HHLA2: variants seen among roughly 807,000 people sequenced by gnomAD.
The protein encoded by HHLA2 is HERV-H LTR-associating protein 2.
Under a neutral mutation model 45.9 loss-of-function variants are expected in HHLA2, and 48 were observed. The ratio of observed to expected loss-of-function variants is 1.05; its 90% CI spans 0.83 to 1.33. HHLA2 has a LOEUF of 1.33. Ranked by LOEUF, HHLA2 falls within the 40% of genes most tolerant of loss-of-function variation. The pLI, the probability that HHLA2 is intolerant of heterozygous loss-of-function variation, is 0.00. For synonymous variants in HHLA2, 161 were observed against 173.9 expected, an observed-to-expected ratio of 0.93 and a Z score of 0.59; for missense variants, 462 against 494.3, an observed-to-expected ratio of 0.93 and a Z score of 0.62.
At chr3:108,375,718 T>C in intron 8 of HHLA2, 32 bp from the exon 8 acceptor site, 1 of 1,604,570 alleles carries the variant, frequency 6.2e-7, no homozygotes, top group Non-Finnish European at 8.5e-7. Context: ...AGTAAATACC[T>C]AATTTCACTC....
At chr3:108,313,381 C>T (rs763707569) in intron 2 of HHLA2, among the ~76,000 whole-genome samples, 18 of 152,084 alleles carry the variant, frequency 1.2e-4, no homozygotes, top group African/African-American at 2.2e-4. Context: ...TGCTTAATCC[C>T]GGGGGATTTT....
At chr3:108,337,421 C>T (rs529475918) in intron 3 of HHLA2, among the ~76,000 whole-genome samples, 73 of 152,212 alleles carry the variant, frequency 4.8e-4, no homozygotes, top group African/African-American at 1.5e-3. Context: ...ACTTTGGTCG[C>T]TTGCCACTGT....
At chr3:108,353,264 C>T (rs909249342) in intron 4 of HHLA2, among the ~76,000 whole-genome samples, 163 bp from the exon 4 acceptor site, 4 of 152,192 alleles carry the variant, frequency 2.6e-5, no homozygotes, top group Non-Finnish European at 5.9e-5. Context: ...AAACACAGAG[C>T]TTCACAGGTT....
chr3:108,347,203 T>C (rs991209696), intron 3 of HHLA2, among the ~76,000 whole-genome samples: 1 of 152,228 alleles, frequency 6.6e-6, no homozygotes, highest in African/African-American at 2.4e-5. Context: ...CTGCCTCACT[T>C]AGCTGAATGC....
intron 1 of HHLA2, among the ~76,000 whole-genome samples, chr3:108,301,072 A>T (rs1030424995): frequency 6.6e-6 from 1 of 152,100 alleles, no homozygotes; most frequent in South Asian, 2.1e-4. Flanking sequence ...TATCTCTTCT[A>T]ATTTATGTCT....
In HHLA2 at chr3:108,377,165, C is replaced by A. The variant is rs146238562; in HGVS notation, c.1225-93C>A. 7.8e-4 allele frequency: 659 copies of A among 846,936 alleles called. 5 individuals carry two copies. The African/African-American group carries it at 1.0e-2, about 13-fold the overall frequency. The allele number at this position is 846,936 out of a possible 1,614,324, so 52.5% of individuals were successfully genotyped here. A position where few individuals can be genotyped will look rare whatever the true frequency, so the allele number is the denominator to read the frequency against. On this transcript the variant is annotated intron_variant, in intron 10 of 10. Coordinates refer to ENST00000619531, the Ensembl canonical transcript of HHLA2. ...ATAGACTAAAGCTTTTTGCCGCCCA[C>A]CCCAAAACACTACTATCAATAAATA...
intron 1 of HHLA2, among the ~76,000 whole-genome samples, chr3:108,304,537 C>T (rs184143464): frequency 5.8e-4 from 89 of 152,262 alleles, no homozygotes; most frequent in Non-Finnish European, 1.0e-3. Context: ...TCAGTCTTCA[C>T]CTTAATTACA....
intron 2 of HHLA2, among the ~76,000 whole-genome samples, chr3:108,325,247 A>G (rs1046808642): frequency 1.3e-5 from 2 of 152,234 alleles, no homozygotes; most frequent in African/African-American, 4.8e-5. Context: ...AAAAAAAACT[A>G]TGTTAAAACC....
At chr3:108,352,394 A>C (rs2081795511) in intron 4 of HHLA2, among the ~76,000 whole-genome samples, 1 of 152,156 alleles carries the variant, frequency 6.6e-6, no homozygotes, top group Admixed American at 6.5e-5. Context: ...GAGGCGGGAC[A>C]TGGTAGGGTA....
chr3:108,298,405 T>C (rs2080797477), intron 1 of HHLA2, among the ~76,000 whole-genome samples: 1 of 152,238 alleles, frequency 6.6e-6, no homozygotes, highest in South Asian at 2.1e-4. Flanking sequence ...TTATAACATG[T>C]ACACACCTTT....
intron 3 of HHLA2, among the ~76,000 whole-genome samples, chr3:108,335,806 G>A (rs982187488): frequency 2.6e-5 from 4 of 152,122 alleles, no homozygotes; most frequent in African/African-American, 4.8e-5. Context: ...AGCCACAAAA[G>A]TAGTGATAGG....
rs184695130 is a variant in HHLA2, at chr3:108,358,702, C to G, written c.1003+541C>G. On this transcript the variant is annotated intron_variant, in intron 7 of 10. Transcript: ENST00000619531. ...TCTAAAATATTTCTAGTCAACTAAC[C>G]ATCAAGTCATGGAATATATACTCAT... Among the ~76,000 whole-genome samples, 397 of 152,222 alleles carry G rather than the reference C, an allele frequency of 2.6e-3. 1 individual carries two copies. Among genetic ancestry groups the G allele is most frequent in the Non-Finnish European group, 4.0e-3 (271 of 68,018 alleles).
intron 8 of HHLA2, among the ~76,000 whole-genome samples, chr3:108,372,504 C>CA (rs1403881255): frequency 4.9e-5 from 2 of 40,634 alleles, no homozygotes; most frequent in African/African-American, 1.0e-4. Context: ...AATAGAGACA[C>CA]AAAAAACCCT....
intron 8 of HHLA2, among the ~76,000 whole-genome samples, chr3:108,365,955 C>T (rs1382239013): frequency 1.3e-5 from 2 of 152,166 alleles, no homozygotes; most frequent in Non-Finnish European, 2.9e-5. Flanking sequence ...TTCCTCCGTT[C>T]CTATTTGAAT....
rs372171860 is a variant in HHLA2, at chr3:108,317,046, G to A, written c.-105+6305G>A. Among the ~76,000 whole-genome samples the A allele has an allele frequency of 1.9e-4, 29 of 152,330 alleles. 1 individual carries two copies. The South Asian group carries it at 6.0e-3, about 32-fold the overall frequency. On this transcript the variant is annotated intron_variant, in intron 2 of 10. Coordinates refer to ENST00000619531, the Ensembl canonical transcript of HHLA2. The stretch of plus-strand genomic sequence containing the variant: ...TGTGGACAGTTATCCAGATTGAACA[G>A]TGTACTAGGCTCATGGGGTAAATAG...
At chr3:108,365,968 T>A (rs913381122) in intron 8 of HHLA2, among the ~76,000 whole-genome samples, 3 of 151,478 alleles carry the variant, frequency 2.0e-5, no homozygotes, top group Non-Finnish European at 4.4e-5. Context: ...ATTTGAATAC[T>A]CTATTTATGT....
rs536437258 is a variant in HHLA2 at position 108,367,701 on chromosome 3, A to T, written c.1108+5255A>T. 2.0e-5 allele frequency among the ~76,000 whole-genome samples: 3 copies of T among 152,266 alleles called. No individual in the cohort carries two copies. In the East Asian group the frequency reaches 5.8e-4, roughly 29 times the overall value. On this transcript the variant is annotated intron_variant, in intron 8 of 10. Transcript: ENST00000619531. Reference sequence around the variant, plus strand: ...GAACAAAGCCTCCAACAAATATGGTACTATGTGAAAAGACCAAACCGGTGA... The same window carrying T: ...GAACAAAGCCTCCAACAAATATGGTTCTATGTGAAAAGACCAAACCGGTGA...
At chr3:108,372,067 T>A (rs916071207) in intron 8 of HHLA2, among the ~76,000 whole-genome samples, 55 of 152,288 alleles carry the variant, frequency 3.6e-4, no homozygotes, top group African/African-American at 1.3e-3. Context: ...ATTGACCACA[T>A]AATTGGAAGT....
intron 8 of HHLA2, among the ~76,000 whole-genome samples, chr3:108,364,239 C>T (rs1337229173): frequency 3.9e-5 from 6 of 152,090 alleles, no homozygotes; most frequent in East Asian, 1.9e-4. Context: ...TGAGAATATG[C>T]GGTGTTTGGT....
Sources: gnomAD v4.1 joint callset for allele counts (sites outside exome capture counted in the v4.1 genomes callset) on GRCh38, gnomAD v4.1.1 for gene constraint, MANE v1.5 for transcripts, NCBI Gene and HGNC (gene_info 2026-07-23, HGNC 2026-07-21) for gene names.